The following ABCB11 variants were observed in gnomAD, a reference collection of about 807,000 sequenced individuals.
ABCB11 encodes ATP binding cassette subfamily B member 11.
Under a neutral mutation model 148.0 loss-of-function variants are expected in ABCB11, and 95 were observed. The observed-to-expected ratio is 0.64, with a 90% CI of 0.54 to 0.76. The LOEUF (loss-of-function observed/expected upper bound fraction) is 0.76. Ranked by LOEUF, ABCB11 falls within the 30% of genes least tolerant of loss-of-function variation. ABCB11 has a pLI of 0.00. For synonymous variants in ABCB11, 591 were observed against 555.4 expected (o/e 1.06, Z -0.90); for missense variants, 1,523 against 1,617.8 (o/e 0.94, Z 1.01).
chr2:168,944,713 A>T lies in ABCB11; in HGVS notation c.2502T>A (p.Phe834Leu), dbSNP rs777570649. Residue 834 changes from phenylalanine (F) to leucine (L), a missense_variant, in exon 21 of 28, where the codon TTT (phenylalanine) becomes TTA (leucine). Transcript: ENST00000650372. Reference protein sequence around the residue: ...GELLTKRLRKFGFRAMLGQDI... With the variant: ...GELLTKRLRKLGFRAMLGQDI... The stretch of plus-strand genomic sequence containing the variant: ...CTTGCCCCAGCATTGCCCTGAAACC[A>T]AATTTACGTAGCCTTTTTGTTAGGA... 6.2e-7 allele frequency: 1 copy of T among 1,612,936 alleles called. No individual in the cohort carries two copies. Among genetic ancestry groups the T allele is most frequent in the Admixed American group, 1.7e-5 (1 of 59,878 alleles).
intron 18 of ABCB11, 26 bp from the exon 19 acceptor site, chr2:168,958,154 A>G (rs571344802): frequency 4.4e-6 from 7 of 1,601,272 alleles, no homozygotes; most frequent in African/African-American, 2.7e-5. Flanking sequence ...GGTTATATTA[A>G]TCATCTAAAT....
At position 168,924,799 on chromosome 2, in the gene ABCB11, T is replaced by A. The variant is rs1284028774; in HGVS notation, c.3623A>T (p.Tyr1208Phe). 6.2e-7 allele frequency: 1 copy of A among 1,610,260 alleles called. No individual in the cohort carries two copies. The highest frequency in any genetic ancestry group is 1.7e-5 in the Admixed American group (1 of 59,162). ...CCCCTGGGACCCAACGTTAGTTTCA[T>A]ATTTCTGAAAAAAAGTATGATAAGT... is the stretch of plus-strand genomic sequence containing the variant. ...HDFVMSLPEK[Y>F]ETNVGSQGSQ... Residue 1208 changes from tyrosine (Y) to phenylalanine (F), a missense_variant, in exon 27 of 28, where the codon TAT (tyrosine) becomes TTT (phenylalanine). Tyr to Phe is a conservative substitution (Grantham distance 22, BLOSUM62 3). Transcript: ENST00000650372.
intron 17 of ABCB11, among the ~76,000 whole-genome samples, chr2:168,965,701 TGAG>T (rs1179134447): frequency 6.6e-6 from 1 of 151,848 alleles, no homozygotes; most frequent in African/African-American, 2.4e-5. Flanking sequence ...ATGTGAGTGA[TGAG>T]GAGACCTGCA....
rs1483605493 is a variant in ABCB11, at chr2:169,031,305, A to G, written c.-108T>C. The G allele has an allele frequency of 6.6e-6, 1 of 152,164 alleles. No individual in the cohort carries two copies. Among genetic ancestry groups the G allele is most frequent in the East Asian group, 1.9e-4 (1 of 5,184 alleles). The allele number at this position is 152,164 out of a possible 1,614,324, so 9.4% of individuals were successfully genotyped here. A position where few individuals can be genotyped will look rare whatever the true frequency, so the allele number is the denominator to read the frequency against. ...TTAAAAGGTTTCACAACCTTTTCCA[A>G]CCTCGGTTTTCATCATTCTAAAGCA... is the stretch of plus-strand genomic sequence containing the variant. On this transcript the variant is annotated 5_prime_UTR_variant, in exon 1 of 28. Coordinates refer to ENST00000650372, the MANE Select transcript of ABCB11 (RefSeq NM_003742.4).
intron 5 of ABCB11, among the ~76,000 whole-genome samples, chr2:169,004,427 A>G (rs1694963918): frequency 1.3e-5 from 2 of 152,030 alleles, no homozygotes; most frequent in Admixed American, 6.6e-5. Flanking sequence ...TCAAACTCTG[A>G]AGTTTCTTTC....
At chr2:169,013,170 G>C (rs1695239258) in intron 5 of ABCB11, 102 bp downstream of exon 5, 2 of 817,716 alleles carry the variant, frequency 2.4e-6, no homozygotes, top group Admixed American at 2.5e-5. Flanking sequence ...CTTTGTGTTA[G>C]ATACCACTCC....
At chr2:169,026,278 A>T (rs1461542852) in intron 1 of ABCB11, among the ~76,000 whole-genome samples, 1 of 152,214 alleles carries the variant, frequency 6.6e-6, no homozygotes, top group Non-Finnish European at 1.5e-5. Context: ...CATCAAGTGC[A>T]TCACTCTGAA....
chr2:168,945,027 T>C, intron 19 of ABCB11, 66 bp from the exon 20 acceptor site: 4 of 1,148,860 alleles, frequency 3.5e-6, no homozygotes, highest in Non-Finnish European at 4.9e-6. Flanking sequence ...ATTTACATGT[T>C]TAAAATGAAT....
chr2:168,920,578 T>C (rs1218000018), downstream of ABCB11, among the ~76,000 whole-genome samples: 1 of 151,778 alleles, frequency 6.6e-6, no homozygotes, highest in Admixed American at 6.6e-5. Context: ...TTTTATTAAC[T>C]GGGGTTATAA....
At chr2:168,927,411 G>A in intron 25 of ABCB11, 49 bp from the exon 26 acceptor site, 1 of 1,492,562 alleles carries the variant, frequency 6.7e-7, no homozygotes, top group South Asian at 1.2e-5. Context: ...AATTCCAGCA[G>A]TGAGGAAAGT....
intron 19 of ABCB11, among the ~76,000 whole-genome samples, chr2:168,949,116 T>C (rs189710508): frequency 9.7e-4 from 147 of 151,796 alleles, no homozygotes; most frequent in Non-Finnish European, 1.8e-3. Context: ...GTTTCCTTCC[T>C]TGTGGACCTC....
At chr2:168,936,181 G>T in intron 22 of ABCB11, 49 bp downstream of exon 22, 2 of 1,554,914 alleles carry the variant, frequency 1.3e-6, no homozygotes, top group Non-Finnish European at 1.8e-6. Context: ...CAGTTTGTCT[G>T]ATAGCCACTC....
chr2:169,011,243 T>A (rs1303896820), intron 5 of ABCB11, among the ~76,000 whole-genome samples: 1 of 152,222 alleles, frequency 6.6e-6, no homozygotes, highest in Non-Finnish European at 1.5e-5. Context: ...AAACTTATCC[T>A]CATAAGTGTT....
intron 23 of ABCB11, among the ~76,000 whole-genome samples, chr2:168,933,684 G>C (rs892094507): frequency 1.3e-5 from 2 of 152,162 alleles, no homozygotes; most frequent in African/African-American, 2.4e-5. Flanking sequence ...AATGGAAAAT[G>C]GTGGAAGATG....
downstream of ABCB11, among the ~76,000 whole-genome samples, chr2:168,917,113 C>G (rs568833049): frequency 3.9e-5 from 6 of 152,100 alleles, no homozygotes; most frequent in Admixed American, 2.0e-4. Flanking sequence ...GGGGCAGCAC[C>G]AAATTCAAAG....
intron 12 of ABCB11, among the ~76,000 whole-genome samples, chr2:168,975,815 A>G (rs143004700): frequency 1.3e-3 from 201 of 149,270 alleles, no homozygotes; most frequent in Middle Eastern, 7.0e-3. Flanking sequence ...TATATCACAT[A>G]TATATATGAT....
intron 18 of ABCB11, among the ~76,000 whole-genome samples, chr2:168,963,456 C>T (rs1300555121): frequency 6.6e-6 from 1 of 151,660 alleles, no homozygotes; most frequent in Non-Finnish European, 1.5e-5. Context: ...TCAGGGCTGA[C>T]ATGTAACGTG....
downstream of ABCB11, among the ~76,000 whole-genome samples, chr2:168,920,610 C>T (rs1046921841): frequency 2.6e-5 from 4 of 151,574 alleles, no homozygotes; most frequent in African/African-American, 9.7e-5. Flanking sequence ...TCACAACACA[C>T]ATTATGAAAA....
In ABCB11 at chr2:168,935,232, C is replaced by G; in HGVS notation, c.3008G>C (p.Gly1003Ala). 6.2e-7 allele frequency: 1 copy of G among 1,614,002 alleles called. No homozygotes were observed. Among genetic ancestry groups the G allele is most frequent in the Non-Finnish European group, 8.5e-7 (1 of 1,179,888 alleles). The change falls in exon 23 of 28, where the codon GGA becomes GCA. Residue 1003 changes from glycine (G) to alanine (A), a missense_variant. By Grantham distance (60) the Gly-to-Ala change is moderately conservative. Coordinates refer to ENST00000650372, the MANE Select transcript of ABCB11 (RefSeq NM_003742.4). ...FIANSASYRY[G>A]GYLISNEGLH... The stretch of plus-strand genomic sequence containing the variant: ...CCCCTCATTGGAGATTAAGTAACCT[C>G]CATATCTGTAGGAAGCAGAATTCGC...
Sources: allele counts gnomAD v4.1 joint callset (sites outside exome capture counted in the v4.1 genomes callset), GRCh38; gene constraint gnomAD v4.1.1; transcripts MANE v1.5; gene names NCBI Gene and HGNC (gene_info 2026-07-23, HGNC 2026-07-21).